The following MERTK variants were observed in gnomAD, a reference collection of about 807,000 sequenced individuals.
The protein encoded by MERTK is tyrosine-protein kinase Mer.
A neutral mutation model predicts 99.3 loss-of-function variants in MERTK; 69 were observed. The ratio of observed to expected loss-of-function variants is 0.70; its 90% CI spans 0.57 to 0.85. The LOEUF (loss-of-function observed/expected upper bound fraction) is 0.85. Among genes scored for constraint, MERTK ranks in the 40% least tolerant of loss-of-function variants. The pLI is 0.00. For synonymous variants in MERTK, 426 were observed against 467.6 expected, an observed-to-expected ratio of 0.91 and a Z score of 1.15; for missense variants, 1,125 against 1,249.4, an observed-to-expected ratio of 0.90 and a Z score of 1.50.
At position 111,907,806 on chromosome 2, in the gene MERTK, TA is replaced by T. The variant is rs1381640858; in HGVS notation, c.61+9013del. Among the ~76,000 whole-genome samples, 6 of 152,344 alleles carry T rather than the reference TA, an allele frequency of 3.9e-5. No homozygotes were observed. The East Asian group carries it at 1.2e-3, about 29-fold the overall frequency. The stretch of plus-strand genomic sequence containing the variant: ...TATAAACTGTAGAATGCAACGCTCT[TA>T]AATATTCTGGCTGGGAAGATAAGGA... On this transcript the variant is annotated intron_variant, in intron 1 of 18. Coordinates refer to ENST00000295408, the MANE Select transcript of MERTK (RefSeq NM_006343.3).
At chr2:111,998,371 C>T (rs974330673) in intron 10 of MERTK, among the ~76,000 whole-genome samples, 5 of 152,120 alleles carry the variant, frequency 3.3e-5, no homozygotes, top group African/African-American at 1.2e-4. Context: ...GTACAGAGAA[C>T]CTCTGCAGAA....
chr2:111,941,836 G>T (rs987360888), intron 2 of MERTK, among the ~76,000 whole-genome samples: 1 of 152,182 alleles, frequency 6.6e-6, no homozygotes, highest in Non-Finnish European at 1.5e-5. Context: ...ACAAACTTCC[G>T]ATTGAGTTCT....
chr2:111,997,294 C>T lies in MERTK; in HGVS notation c.1451-29C>T. 2.5e-6 allele frequency: 4 copies of T among 1,612,162 alleles called. No homozygotes were observed. In the South Asian group the frequency reaches 3.3e-5, roughly 13 times the overall value. On this transcript the variant is annotated intron_variant, in intron 9 of 18. Coordinates refer to ENST00000295408, the MANE Select transcript of MERTK (RefSeq NM_006343.3). ...CCAGTGTTTCTCATATATTTCAAAC[C>T]CATGACTGGTCTATTGGTATCTCAC... is the stretch of plus-strand genomic sequence containing the variant.
intron 2 of MERTK, among the ~76,000 whole-genome samples, chr2:111,943,373 GTATTTAAAAATGTT>G (rs1684899035): frequency 1.3e-5 from 2 of 152,118 alleles, no homozygotes; most frequent in Non-Finnish European, 2.9e-5. Flanking sequence ...GCATCTGAAA[GTATTTAAAAATGTT>G]CCCCGGCTGA....
intron 4 of MERTK, among the ~76,000 whole-genome samples, chr2:111,961,875 C>T (rs530394962): frequency 2.6e-5 from 4 of 152,234 alleles, no homozygotes; most frequent in Admixed American, 2.6e-4. Flanking sequence ...GCAGCCGGGG[C>T]GCAGTCGTGG....
intron 1 of MERTK, among the ~76,000 whole-genome samples, chr2:111,922,324 C>T (rs1490917952): frequency 6.6e-6 from 1 of 152,144 alleles, no homozygotes; most frequent in Admixed American, 6.5e-5. Flanking sequence ...CACCAAGCTT[C>T]AAGAAAATCA....
intron 1 of MERTK, among the ~76,000 whole-genome samples, chr2:111,923,677 C>T (rs954438884): frequency 1.3e-5 from 2 of 152,166 alleles, no homozygotes; most frequent in African/African-American, 4.8e-5. Context: ...ACCAGAGGCA[C>T]CCCACTTTTC....
At chr2:111,920,060 C>A (rs559558042) in intron 1 of MERTK, among the ~76,000 whole-genome samples, 1 of 152,242 alleles carries the variant, frequency 6.6e-6, no homozygotes, top group African/African-American at 2.4e-5. Flanking sequence ...AGTGCTGTGG[C>A]TCCAGCTGGT....
chr2:111,995,493 AGTTCCCACCT>A (rs1676716054), intron 9 of MERTK: 1 of 188,418 alleles, frequency 5.3e-6, no homozygotes, highest in African/African-American at 2.4e-5. Context: ...CAAATGATTG[AGTTCCCACCT>A]GTCTGTTCCC....
At chr2:111,971,317 T>C (rs549742987) in intron 6 of MERTK, among the ~76,000 whole-genome samples, 19 of 152,206 alleles carry the variant, frequency 1.2e-4, no homozygotes, top group South Asian at 2.1e-4. Context: ...TATATTTTCT[T>C]TATTTCTGCC....
chr2:111,904,366 C>A (rs1483935124), intron 1 of MERTK, among the ~76,000 whole-genome samples: 1 of 147,380 alleles, frequency 6.8e-6, no homozygotes, highest in African/African-American at 2.5e-5. Context: ...TGAGTGTGAA[C>A]ATCCAGAAAA....
chr2:112,026,450 T>G (rs1331596930), intron 18 of MERTK, among the ~76,000 whole-genome samples: 1 of 152,224 alleles, frequency 6.6e-6, no homozygotes, highest in African/African-American at 2.4e-5. Context: ...AAAGCTCATC[T>G]TAGATGGCAA....
At chr2:111,932,563 A>G (rs1158370676) in intron 2 of MERTK, among the ~76,000 whole-genome samples, 1 of 152,230 alleles carries the variant, frequency 6.6e-6, no homozygotes, top group African/African-American at 2.4e-5. Flanking sequence ...TTATTAAGAT[A>G]ATGTTCAGGG....
chr2:111,974,946 C>T (rs994861325), intron 6 of MERTK, among the ~76,000 whole-genome samples: 4 of 152,092 alleles, frequency 2.6e-5, no homozygotes, highest in Non-Finnish European at 5.9e-5. Flanking sequence ...CTCCATGAAG[C>T]AGCTGAAAGA....
At chr2:112,022,537 A>T (rs1677375232) in intron 18 of MERTK, 143 bp downstream of exon 18, 1 of 1,237,464 alleles carries the variant, frequency 8.1e-7, no homozygotes. Flanking sequence ...GAACCCACAG[A>T]CACCCCAGCC....
At chr2:111,919,899 G>C (rs1404890236) in intron 1 of MERTK, among the ~76,000 whole-genome samples, 1 of 149,054 alleles carries the variant, frequency 6.7e-6, no homozygotes, top group Non-Finnish European at 1.5e-5. Flanking sequence ...TTGCTCAGAT[G>C]TCTCAGCCCC....
At chr2:112,019,246 T>G in intron 15 of MERTK, 167 bp from the exon 16 acceptor site, 1 of 753,200 alleles carries the variant, frequency 1.3e-6, no homozygotes, top group Non-Finnish European at 2.4e-6. Context: ...CATTCCTTTT[T>G]AAAAACCTTA....
In MERTK at chr2:111,917,871, G is replaced by C. The variant is rs1051995257; in HGVS notation, c.62-11249G>C. On this transcript the variant is annotated intron_variant, in intron 1 of 18. Coordinates refer to ENST00000295408, the MANE Select transcript of MERTK (RefSeq NM_006343.3). The stretch of plus-strand genomic sequence containing the variant: ...CTACACTCCAGCCTGGTGACAGAGT[G>C]AGACTCTGTCTTAAAAAAAAAAAAA... 5.1e-5 allele frequency among the ~76,000 whole-genome samples: 7 copies of C among 136,662 alleles called. No homozygotes were observed. The Admixed American group carries it at 5.4e-4, about 11-fold the overall frequency. 89.7% of individuals were successfully genotyped at this position (136,662 alleles called of 152,430 possible).
intron 13 of MERTK, among the ~76,000 whole-genome samples, chr2:112,007,684 C>A (rs1677012111): frequency 6.6e-6 from 1 of 152,042 alleles, no homozygotes; most frequent in Admixed American, 6.5e-5. Flanking sequence ...CAGTTTAATT[C>A]AAAAAATTTG....
Sources: gnomAD v4.1 joint callset for allele counts (sites outside exome capture counted in the v4.1 genomes callset) on GRCh38, gnomAD v4.1.1 for gene constraint, MANE v1.5 for transcripts, NCBI Gene and HGNC (gene_info 2026-07-23, HGNC 2026-07-21) for gene names.